Variants in LRP1B observed in about 807,000 individuals in gnomAD.
LRP1B encodes the protein LDL receptor related protein 1B, also known as low-density lipoprotein receptor-related protein 1B.
LRP1B carries 217 observed loss-of-function variants against 556.6 expected under a neutral mutation model. The observed-to-expected ratio is 0.39, with a 90% confidence interval of 0.35 to 0.44. The LOEUF is 0.44. Among genes scored for constraint, LRP1B ranks in the 20% least tolerant of loss-of-function variants. LRP1B has a pLI of 1.00. For synonymous variants in LRP1B, 2,047 were observed against 1,865.8 expected, an observed-to-expected ratio of 1.10 and a Z score of -2.50; for missense variants, 5,053 against 5,620.8, an observed-to-expected ratio of 0.90 and a Z score of 3.23.
At chr2:141,082,773 C>T (rs1445023357) in intron 7 of LRP1B, among the ~76,000 whole-genome samples, 1 of 152,094 alleles carries the variant, frequency 6.6e-6, no homozygotes, top group Non-Finnish European at 1.5e-5. Context: ...TGATTCTGAA[C>T]ATGTAGGGAC....
intron 32 of LRP1B, among the ~76,000 whole-genome samples, chr2:140,784,279 T>C (rs540610159): frequency 6.6e-6 from 1 of 151,834 alleles, no homozygotes; most frequent in African/African-American, 2.4e-5. Flanking sequence ...GACATCCAGG[T>C]TTCTATGCCC....
At chr2:140,372,744 G>T (rs1050165507) in intron 69 of LRP1B, among the ~76,000 whole-genome samples, 27 of 152,068 alleles carry the variant, frequency 1.8e-4, no homozygotes, top group African/African-American at 6.3e-4. Flanking sequence ...GTTCCAAATG[G>T]TATAATAAGA....
At chr2:141,388,052 T>A (rs1049739166) in intron 3 of LRP1B, among the ~76,000 whole-genome samples, 3 of 152,202 alleles carry the variant, frequency 2.0e-5, no homozygotes, top group African/African-American at 7.2e-5. Flanking sequence ...GTTTTATTAA[T>A]ATATATTACT....
intron 6 of LRP1B, chr2:141,207,946 G>C (rs372509044): frequency 6.6e-6 from 1 of 152,258 alleles, no homozygotes; most frequent in African/African-American, 2.4e-5. Context: ...AAAGTGCTAG[G>C]ATTACAGGCG....
intron 25 of LRP1B, among the ~76,000 whole-genome samples, chr2:140,869,301 T>C (rs917193289): frequency 6.6e-6 from 1 of 152,106 alleles, no homozygotes; most frequent in African/African-American, 2.4e-5. Flanking sequence ...GACAAGAGCC[T>C]GGAGTTCGCT....
chr2:140,581,193 A>G (rs1192396079), intron 43 of LRP1B, among the ~76,000 whole-genome samples: 2 of 152,244 alleles, frequency 1.3e-5, no homozygotes, highest in East Asian at 1.9e-4. Flanking sequence ...GTTCTTTTGC[A>G]TAATTGTCAA....
At chr2:141,495,257 T>A (rs1290954941) in intron 2 of LRP1B, among the ~76,000 whole-genome samples, 1 of 152,020 alleles carries the variant, frequency 6.6e-6, no homozygotes, top group Non-Finnish European at 1.5e-5. Flanking sequence ...TTCCAGTGAG[T>A]CTTGTCTCCT....
intron 7 of LRP1B, among the ~76,000 whole-genome samples, chr2:141,083,011 A>G (rs1014925108): frequency 1.3e-5 from 2 of 152,208 alleles, no homozygotes; most frequent in Non-Finnish European, 2.9e-5. Context: ...TATATGCCCT[A>G]TGCATTAACT....
In LRP1B at chr2:141,130,286, GA is replaced by G. The variant is rs566850391; in HGVS notation, c.1013+58134del. Among the ~76,000 whole-genome samples, 273 of 151,954 alleles carry G rather than the reference GA, an allele frequency of 1.8e-3. 2 individuals are homozygous for G. Among genetic ancestry groups the G allele is most frequent in the African/African-American group, 6.4e-3 (265 of 41,500 alleles). Reference sequence around the variant, plus strand: ...AGGGTAAATGTTAAAAAATAAAATAGAAAAACAGGCAAATACAAGTTACTGC... The same window carrying G: ...AGGGTAAATGTTAAAAAATAAAATAGAAAACAGGCAAATACAAGTTACTGC... On this transcript the variant is annotated intron_variant, in intron 7 of 90. Coordinates refer to ENST00000389484, the MANE Select transcript of LRP1B (RefSeq NM_018557.3).
chr2:141,280,125 C>A (rs1685456185), intron 3 of LRP1B, among the ~76,000 whole-genome samples: 1 of 152,056 alleles, frequency 6.6e-6, no homozygotes, highest in Non-Finnish European at 1.5e-5. Flanking sequence ...TGAGCCACCT[C>A]TTACTACGTT....
At chr2:141,436,743 T>C (rs1347424512) in intron 3 of LRP1B, among the ~76,000 whole-genome samples, 2 of 152,148 alleles carry the variant, frequency 1.3e-5, no homozygotes, top group African/African-American at 4.8e-5. Context: ...TGTAGATAAA[T>C]TGTTTTAGTT....
chr2:141,114,739 G>C (rs1332006051), intron 7 of LRP1B, among the ~76,000 whole-genome samples: 1 of 151,942 alleles, frequency 6.6e-6, no homozygotes, highest in East Asian at 1.9e-4. Flanking sequence ...GCCTTTCCTG[G>C]GGAACTGCCC....
intron 2 of LRP1B, among the ~76,000 whole-genome samples, chr2:141,726,083 T>A (rs899790106): frequency 1.1e-4 from 16 of 151,658 alleles, no homozygotes; most frequent in South Asian, 2.1e-4. Context: ...AATTAGAAAA[T>A]ACAAATTATT....
At chr2:140,874,624 C>CT (rs70991114) in intron 25 of LRP1B, among the ~76,000 whole-genome samples, 20,328 of 149,026 alleles carry the variant, frequency 0.14, 1,542 homozygotes, top group Admixed American at 0.17. Flanking sequence ...ATTAATTTTT[C>CT]TTTTTTTTTT....
At chr2:140,693,133 G>T (rs1243536986) in intron 41 of LRP1B, among the ~76,000 whole-genome samples, 1 of 151,806 alleles carries the variant, frequency 6.6e-6, no homozygotes, top group Non-Finnish European at 1.5e-5. Flanking sequence ...TCATTTAATT[G>T]TTTTTTATTG....
At chr2:141,257,003 C>T (rs1376670706) in intron 3 of LRP1B, among the ~76,000 whole-genome samples, 1 of 151,516 alleles carries the variant, frequency 6.6e-6, no homozygotes, top group Non-Finnish European at 1.5e-5. Context: ...AGAAAAACTG[C>T]AAAATAATAA....
At chr2:141,946,520 G>A (rs922239271) in intron 1 of LRP1B, among the ~76,000 whole-genome samples, 1 of 152,084 alleles carries the variant, frequency 6.6e-6, no homozygotes, top group Non-Finnish European at 1.5e-5. Context: ...GAAAAATAAT[G>A]ACAACTAATG....
At chr2:140,678,038 G>A (rs1215031361) in intron 41 of LRP1B, among the ~76,000 whole-genome samples, 1 of 152,210 alleles carries the variant, frequency 6.6e-6, no homozygotes, top group South Asian at 2.1e-4. Context: ...ATTTGCAGAG[G>A]TTGCACAAAT....
intron 1 of LRP1B, among the ~76,000 whole-genome samples, chr2:142,040,262 T>C (rs538370487): frequency 6.6e-6 from 1 of 151,588 alleles, no homozygotes; most frequent in African/African-American, 2.4e-5. Flanking sequence ...TAAAATACTT[T>C]CCATTTTTGA....
Sources: gnomAD v4.1 joint callset for allele counts (sites outside exome capture counted in the v4.1 genomes callset) on GRCh38, gnomAD v4.1.1 for gene constraint, MANE v1.5 for transcripts, NCBI Gene and HGNC (gene_info 2026-07-23, HGNC 2026-07-21) for gene names.